The following KCNQ2 variants were observed in gnomAD, a reference collection of about 807,000 sequenced individuals.
KCNQ2 encodes the protein potassium voltage-gated channel subfamily KQT member 2.
In KCNQ2, 14 loss-of-function variants were observed where a neutral mutation model predicts 84.8. The observed-to-expected ratio is 0.17, with a 90% confidence interval of 0.11 to 0.26. The LOEUF is 0.26. Among genes scored for constraint, KCNQ2 ranks in the 10% least tolerant of loss-of-function variants. The pLI is 1.00. For synonymous variants in KCNQ2, 599 were observed against 554.1 expected (o/e 1.08, Z -1.14); for missense variants, 788 against 1,254.0 (o/e 0.63, Z 5.61).
rs1228553801 is a variant in KCNQ2 at position 63,442,316 on chromosome 20, G to A, written c.816+90C>T. ...GCAGGTGGCCCCAAAGAGATGTATG[G>A]AGCAGGCTCAGCCAGTGAGAGCCTG... On this transcript the variant is annotated intron_variant, in intron 5 of 16. Transcript: ENST00000359125. The A allele has an allele frequency of 7.5e-6, 12 of 1,589,866 alleles. No individual in the cohort carries two copies. In the Admixed American group the frequency reaches 1.8e-4, roughly 24 times the overall value.
At chr20:63,443,820 GC>G (rs1316648207) in intron 4 of KCNQ2, 14 of 152,280 alleles carry the variant, frequency 9.2e-5, no homozygotes, top group Admixed American at 9.2e-4. Flanking sequence ...ATTCCCCTGA[GC>G]CTCCTGGCCT....
chr20:63,466,838 G>A (rs993504019), intron 1 of KCNQ2, among the ~76,000 whole-genome samples: 1 of 152,200 alleles, frequency 6.6e-6, no homozygotes, highest in East Asian at 1.9e-4. Flanking sequence ...CGTCTCACAC[G>A]GGCGGAAGCA....
At chr20:63,462,860 T>C (rs1280900748) in intron 1 of KCNQ2, among the ~76,000 whole-genome samples, 3 of 151,796 alleles carry the variant, frequency 2.0e-5, no homozygotes. Flanking sequence ...GGACACGGAG[T>C]GACTCCACAC....
At chr20:63,424,904 G>A (rs1864815537) in intron 10 of KCNQ2, among the ~76,000 whole-genome samples, 1 of 152,242 alleles carries the variant, frequency 6.6e-6, no homozygotes, top group Admixed American at 6.5e-5. Context: ...TGCCCCGGCT[G>A]GTACGCCGTG....
At chr20:63,471,382 T>G (rs11697970) in intron 1 of KCNQ2, 56,328 of 152,284 alleles carry the variant, frequency 0.37, 10,758 homozygotes, top group East Asian at 0.59. Flanking sequence ...AGGCAGCCGT[T>G]CCCTGAGCCT....
Position 63,406,932 on chromosome 20 carries a change from G to T in KCNQ2, c.2331C>A (p.Pro777=). Reference sequence around the variant, plus strand: ...TGTCGCTGTCCCGCAGGTTCCCCTCGGGGGGCCTGCAGCCCGGGGTGTCCT... The same window carrying T: ...TGTCGCTGTCCCGCAGGTTCCCCTCTGGGGGCCTGCAGCCCGGGGTGTCCT... ...RQEDTPGCRP[P]EGNLRDSDTS... is the part of the protein sequence containing the mutation. The change falls in exon 17 of 17, where the codon CCC becomes CCA. Residue 777 remains proline, a synonymous_variant. Coordinates refer to ENST00000359125, the MANE Select transcript of KCNQ2 (RefSeq NM_172107.4). 6.3e-7 allele frequency: 1 copy of T among 1,599,708 alleles called. No individual in the cohort carries two copies.
intron 9 of KCNQ2, among the ~76,000 whole-genome samples, chr20:63,430,359 G>T (rs1053327044): frequency 3.9e-5 from 6 of 152,162 alleles, no homozygotes; most frequent in Non-Finnish European, 8.8e-5. Context: ...CATGTCGGGG[G>T]CAGAGGAGCC....
chr20:63,463,082 TG>T (rs1438577525), intron 1 of KCNQ2, among the ~76,000 whole-genome samples: 2 of 145,996 alleles, frequency 1.4e-5, no homozygotes, highest in Non-Finnish European at 3.1e-5. Flanking sequence ...TGTGTGTGTG[TG>T]TGTGCACATG....
At chr20:63,455,306 C>A (rs1291823052) in intron 1 of KCNQ2, among the ~76,000 whole-genome samples, 1 of 152,236 alleles carries the variant, frequency 6.6e-6, no homozygotes, top group Non-Finnish European at 1.5e-5. Context: ...TGGTCCCCAG[C>A]CCCAGATTCA....
rs147274045 is a variant in KCNQ2 at position 63,406,719 on chromosome 20, C to A, written c.2544G>T (p.Pro848=). 1.9e-6 allele frequency: 3 copies of A among 1,606,466 alleles called. No homozygotes were observed. The highest frequency in any genetic ancestry group is 2.5e-6 in the Non-Finnish European group (3 of 1,177,608). Residue 848 remains proline (P), a synonymous_variant, in exon 17 of 17, where the codon CCG becomes CCT. Coordinates refer to ENST00000359125, the MANE Select transcript of KCNQ2 (RefSeq NM_172107.4). The stretch of plus-strand genomic sequence containing the variant: ...TGGCCGAGCGTGGCGGGGGCCCGCA[C>A]GGGGTACAGAGGTCGGAGTCGGTGT... ...ESDTDSDLCT[P]CGPPPRSATG...
At position 63,407,412 on chromosome 20, in the gene KCNQ2, C is replaced by T. The variant is rs769969773; in HGVS notation, c.1888-37G>A. On this transcript the variant is annotated intron_variant, in intron 16 of 16. Coordinates refer to ENST00000359125, the MANE Select transcript of KCNQ2 (RefSeq NM_172107.4). The surrounding 1 kb of genome is among the most constrained non-coding windows in gnomAD (Gnocchi z 7.2). Reference sequence around the variant, plus strand: ...GCTGCTGGGCTGGGGTGCGAGGGCCCGTCCCAGGAGATGTGGGGACCCAGG... The same window carrying T: ...GCTGCTGGGCTGGGGTGCGAGGGCCTGTCCCAGGAGATGTGGGGACCCAGG... The T allele has an allele frequency of 2.8e-5, 44 of 1,594,862 alleles. No individual in the cohort carries two copies. The highest frequency in any genetic ancestry group is 6.6e-5 in the South Asian group (6 of 90,688).
rs748728588 is a variant in KCNQ2, at chr20:63,406,616, C to A, written c.*28G>T. ...GGAGGCACCGTGCTGAGGAGGGCCG[C>A]GGGCGGGTCCACTGGCCCAGCGCCG... On this transcript the variant is annotated 3_prime_UTR_variant, in exon 17 of 17. Coordinates refer to ENST00000359125, the MANE Select transcript of KCNQ2 (RefSeq NM_172107.4). 2 of 1,568,776 alleles carry A rather than the reference C, an allele frequency of 1.3e-6. No homozygotes were observed. The highest frequency in any genetic ancestry group is 1.8e-5 in the Admixed American group (1 of 56,654).
At chr20:63,433,696 T>C (rs765263783) in intron 8 of KCNQ2, 113 bp downstream of exon 8, 26 of 1,591,186 alleles carry the variant, frequency 1.6e-5, no homozygotes, top group Non-Finnish European at 2.2e-5. Context: ...GAAAAATACA[T>C]TTTAAAGAAA....
intron 15 of KCNQ2, 93 bp downstream of exon 15, chr20:63,413,357 C>T (rs763077826): frequency 4.0e-6 from 6 of 1,516,378 alleles, no homozygotes; most frequent in Middle Eastern, 1.7e-4. Context: ...CGCCCACACA[C>T]CCCCTGCACT....
chr20:63,404,723 G>A lies in KCNQ2; in HGVS notation c.*1921C>T, dbSNP rs185972615. The A allele has an allele frequency of 6.6e-6, 1 of 152,442 alleles. No individual in the cohort carries two copies. Among genetic ancestry groups the A allele is most frequent in the Non-Finnish European group, 1.5e-5 (1 of 68,108 alleles). The allele number at this position is 152,442 out of a possible 1,614,324, so 9.4% of individuals were successfully genotyped here. On this transcript the variant is annotated 3_prime_UTR_variant, in exon 17 of 17. Transcript: ENST00000359125. ...CCGTGAAACGCTGCCCCCAAAACAC[G>A]TAGCGATGCCCACACCAGAAGGGAT...
chr20:63,463,990 C>T (rs892961806), intron 1 of KCNQ2: 16 of 152,118 alleles, frequency 1.1e-4, no homozygotes, highest in Admixed American at 2.6e-4. Flanking sequence ...ACCCACTCCC[C>T]GCCGGACTTC....
chr20:63,423,879 C>T (rs2080548108), intron 11 of KCNQ2: 1 of 519,182 alleles, frequency 1.9e-6, no homozygotes, highest in Non-Finnish European at 3.5e-6. Flanking sequence ...CTCCGAGAAC[C>T]CTGGGGCCAG....
chr20:63,468,436 C>A (rs1414158690), intron 1 of KCNQ2, among the ~76,000 whole-genome samples: 1 of 152,228 alleles, frequency 6.6e-6, no homozygotes, highest in African/African-American at 2.4e-5. Flanking sequence ...CTGTGCCAGG[C>A]GCCTGCCCAC....
At chr20:63,417,988 G>T (rs920689774) in intron 12 of KCNQ2, among the ~76,000 whole-genome samples, 1 of 152,200 alleles carries the variant, frequency 6.6e-6, no homozygotes, top group African/African-American at 2.4e-5. Context: ...CCTCAGATCT[G>T]CGAGGGAGGC....
Sources: allele counts gnomAD v4.1 joint callset (sites outside exome capture counted in the v4.1 genomes callset), GRCh38; gene constraint gnomAD v4.1.1; non-coding constraint Gnocchi (gnomAD v3.1); transcripts MANE v1.5; gene names NCBI Gene and HGNC (gene_info 2026-07-23, HGNC 2026-07-21).